Variants in FAM193A observed in about 807,000 individuals in gnomAD.
The protein encoded by FAM193A is protein FAM193A.
FAM193A carries 22 observed loss-of-function variants against 126.5 expected under a neutral mutation model. The ratio of observed to expected loss-of-function variants is 0.17; its 90% CI spans 0.12 to 0.25. FAM193A has a LOEUF of 0.25. Among genes scored for constraint, FAM193A ranks in the 10% least tolerant of loss-of-function variants. FAM193A has a pLI of 1.00. For synonymous variants in FAM193A, 761 were observed against 646.8 expected (o/e 1.18, Z -2.68); for missense variants, 1,675 against 1,672.8 (o/e 1.00, Z -0.02).
chr4:2,535,886 G>A (rs76964113), upstream of FAM193A, among the ~76,000 whole-genome samples: 3 of 152,124 alleles, frequency 2.0e-5, no homozygotes, highest in East Asian at 5.8e-4. Context: ...GCGTGTCCCA[G>A]CCCCAGGCCC....
At position 2,558,566 on chromosome 4, in the gene FAM193A, G is replaced by T. The variant is rs28663181; in HGVS notation, c.255+21396G>T. Among the ~76,000 whole-genome samples, 596 of 152,266 alleles carry T rather than the reference G, an allele frequency of 3.9e-3. 5 individuals carry two copies. Among genetic ancestry groups the T allele is most frequent in the African/African-American group, 0.014 (576 of 41,558 alleles). ...CCAGCTAATCAAAATTTTTCTGGGGGGGATGAGATCTTGTATGTTGCCTAG... is the reference window on the plus strand; with the variant it reads ...CCAGCTAATCAAAATTTTTCTGGGGTGGATGAGATCTTGTATGTTGCCTAG... On this transcript the variant is annotated intron_variant, in intron 1 of 20. Transcript: ENST00000637812.
intron 2 of FAM193A, among the ~76,000 whole-genome samples, chr4:2,596,721 A>G (rs1449446461): frequency 1.3e-5 from 2 of 150,364 alleles, no homozygotes; most frequent in African/African-American, 4.9e-5. Context: ...CCTTTTACTT[A>G]TTTGTGCTGC....
chr4:2,551,638 C>T (rs1737926089), intron 1 of FAM193A, among the ~76,000 whole-genome samples: 2 of 151,984 alleles, frequency 1.3e-5, no homozygotes, highest in South Asian at 4.1e-4. Context: ...CCTTTCATTC[C>T]TGATATTAGT....
At position 2,676,040 on chromosome 4, in the gene FAM193A, G is replaced by A. The variant is rs1050519356; in HGVS notation, c.2331+3668G>A. 3.3e-5 allele frequency among the ~76,000 whole-genome samples: 5 copies of A among 152,166 alleles called. No homozygotes were observed. The South Asian group carries it at 6.2e-4, about 19-fold the overall frequency. On this transcript the variant is annotated intron_variant, in intron 13 of 20. Coordinates refer to ENST00000637812, the MANE Select transcript of FAM193A (RefSeq NM_001366318.2). Reference sequence around the variant, plus strand: ...ATTTTGTGTCTCCATCAGTGAACACGTGTTGTTTCCATACATTAGCTACTA... The same window carrying A: ...ATTTTGTGTCTCCATCAGTGAACACATGTTGTTTCCATACATTAGCTACTA...
In FAM193A at chr4:2,657,734, ATGTCT is replaced by A. The variant is rs1711881730; in HGVS notation, c.1312-65_1312-61del. The A allele has an allele frequency of 7.2e-6, 7 of 966,180 alleles. No homozygotes were observed. In the South Asian group the frequency reaches 8.8e-5, roughly 12 times the overall value. The allele number at this position is 966,180 out of a possible 1,614,324, so 59.9% of individuals were successfully genotyped here. A position where few individuals can be genotyped will look rare whatever the true frequency, so the allele number is the denominator to read the frequency against. Reference sequence around the variant, plus strand: ...ATTTTAAGAAAGTCTCCTCTTGAAAATGTCTTGTATAATTGTCGCAGGTATTAAAG... The same window carrying A: ...ATTTTAAGAAAGTCTCCTCTTGAAAATGTATAATTGTCGCAGGTATTAAAG... On this transcript the variant is annotated intron_variant, in intron 7 of 20. Coordinates refer to ENST00000637812, the MANE Select transcript of FAM193A (RefSeq NM_001366318.2).
rs1712215574 is a variant in FAM193A, at chr4:2,659,975, G to A, written c.1666G>A (p.Gly556Arg). 2.5e-6 allele frequency: 4 copies of A among 1,614,136 alleles called. No homozygotes were observed. The highest frequency in any genetic ancestry group is 2.2e-5 in the East Asian group (1 of 44,886). Residue 556 changes from glycine (G) to arginine (R), a missense_variant, in exon 10 of 21, where the codon GGG becomes AGG. This residue lies in a region of FAM193A where 1,186 missense variants were observed against 1,109.2 expected (regional missense o/e 1.07). Coordinates refer to ENST00000637812, the MANE Select transcript of FAM193A (RefSeq NM_001366318.2). ...SPPSVSSASSGSGSSSPITIQ... is the reference protein window; with the variant it reads ...SPPSVSSASSRSGSSSPITIQ... ...GCCCAGTGTGTCATCTGCAAGCTCGGGGTCCGGCTCCAGCTCTCCCATCAC... is the reference window on the plus strand; with the variant it reads ...GCCCAGTGTGTCATCTGCAAGCTCGAGGTCCGGCTCCAGCTCTCCCATCAC...
intron 1 of FAM193A, among the ~76,000 whole-genome samples, chr4:2,586,283 A>G (rs937512041): frequency 6.6e-6 from 1 of 151,872 alleles, no homozygotes; most frequent in Non-Finnish European, 1.5e-5. Flanking sequence ...GAATCTGTTG[A>G]TCTTTTCCTT....
At chr4:2,660,476 C>T (rs1052567185) in intron 10 of FAM193A, among the ~76,000 whole-genome samples, 1 of 152,178 alleles carries the variant, frequency 6.6e-6, no homozygotes, top group East Asian at 1.9e-4. Flanking sequence ...TTTCATGTTC[C>T]CGCATGATTA....
At chr4:2,690,275 C>T (rs1190858149) in intron 14 of FAM193A, among the ~76,000 whole-genome samples, 3 of 152,206 alleles carry the variant, frequency 2.0e-5, no homozygotes, top group South Asian at 4.1e-4. Context: ...TGTCTTCCTG[C>T]GGCCAGAGCT....
intron 1 of FAM193A, among the ~76,000 whole-genome samples, chr4:2,550,743 T>C (rs1166246532): frequency 2.0e-5 from 3 of 151,510 alleles, no homozygotes; most frequent in Admixed American, 6.6e-5. Flanking sequence ...TTGGTTGTTT[T>C]TTTTGTTTTT....
intron 2 of FAM193A, among the ~76,000 whole-genome samples, chr4:2,606,798 G>A (rs541101232): frequency 3.0e-4 from 45 of 152,298 alleles, no homozygotes; most frequent in African/African-American, 9.6e-4. Context: ...GATCTCATCA[G>A]AAAGTTCTTT....
At chr4:2,659,402 C>T (rs139147130) in intron 8 of FAM193A, among the ~76,000 whole-genome samples, 156 bp from the exon 9 acceptor site, 2 of 152,214 alleles carry the variant, frequency 1.3e-5, no homozygotes, top group Admixed American at 6.5e-5. Flanking sequence ...AGCTTGCTGC[C>T]GACTCCAGGT....
At chr4:2,727,512 T>C (rs550304333) in intron 20 of FAM193A, among the ~76,000 whole-genome samples, 38 of 152,356 alleles carry the variant, frequency 2.5e-4, no homozygotes, top group South Asian at 2.5e-3. Context: ...CCACTACAGA[T>C]TTCTTTCCTC....
intron 19 of FAM193A, among the ~76,000 whole-genome samples, chr4:2,707,713 A>C (rs1490726755): frequency 8.4e-5 from 11 of 130,824 alleles, no homozygotes; most frequent in Non-Finnish European, 1.6e-4. Flanking sequence ...TATATTTCTT[A>C]TTTTTTTTTT....
chr4:2,587,472 C>A (rs1271978609), intron 1 of FAM193A, among the ~76,000 whole-genome samples: 1 of 152,106 alleles, frequency 6.6e-6, no homozygotes, highest in Non-Finnish European at 1.5e-5. Flanking sequence ...GTGAAAGGAT[C>A]GCTTGAGCCC....
At chr4:2,537,495 C>G (rs1437352401) in intron 1 of FAM193A, among the ~76,000 whole-genome samples, 2 of 152,252 alleles carry the variant, frequency 1.3e-5, no homozygotes, top group South Asian at 2.1e-4. Flanking sequence ...GGGGACGTCT[C>G]CGGGGTGCAG....
At chr4:2,707,624 C>T (rs1401042889) in intron 19 of FAM193A, among the ~76,000 whole-genome samples, 1 of 151,408 alleles carries the variant, frequency 6.6e-6, no homozygotes, top group African/African-American at 2.4e-5. Context: ...TTAATTTCAC[C>T]CGTTTCTTTA....
intron 15 of FAM193A, among the ~76,000 whole-genome samples, chr4:2,691,822 C>G (rs1716419386): frequency 6.7e-6 from 1 of 149,524 alleles, no homozygotes; most frequent in African/African-American, 2.5e-5. Context: ...CTATAGCATA[C>G]AAATAAAGTC....
chr4:2,708,228 C>T (rs999911627), intron 19 of FAM193A: 17 of 436,634 alleles, frequency 3.9e-5, no homozygotes, highest in Non-Finnish European at 6.9e-5. Context: ...CAGGTTCAAG[C>T]GATTGTGCTG....
Sources: gnomAD v4.1 joint callset for allele counts (sites outside exome capture counted in the v4.1 genomes callset) on GRCh38, gnomAD v4.1.1 for gene constraint, gnomAD v4.1.1 regional missense constraint, MANE v1.5 for transcripts, NCBI Gene and HGNC (gene_info 2026-07-23, HGNC 2026-07-21) for gene names.